The following CMIP variants were observed in gnomAD, a reference collection of about 807,000 sequenced individuals.
CMIP encodes C-Maf-inducing protein.
Under a neutral mutation model 97.3 loss-of-function variants are expected in CMIP, and 13 were observed. The ratio of observed to expected loss-of-function variants is 0.13; its 90% CI spans 0.09 to 0.21. The LOEUF (loss-of-function observed/expected upper bound fraction) is 0.21. Ranked by LOEUF, CMIP falls within the 10% of genes least tolerant of loss-of-function variation. The pLI, the probability that CMIP is intolerant of heterozygous loss-of-function variation, is 1.00. For missense variants in CMIP, 847 were observed against 1,024.9 expected (o/e 0.83, Z 2.37); for synonymous variants, 538 against 436.3 (o/e 1.23, Z -2.91).
Position 81,670,125 on chromosome 16 carries a change from C to A in CMIP, c.826-17C>A. On this transcript the variant is annotated splice_polypyrimidine_tract_variant and intron_variant, in intron 7 of 20. Coordinates refer to ENST00000537098, the MANE Select transcript of CMIP (RefSeq NM_198390.3). ...GCCTAGCACCGTCCCGACTCCTGTCCTCTGCTGTCTCCACAGGACTTTGGG... is the reference window on the plus strand; with the variant it reads ...GCCTAGCACCGTCCCGACTCCTGTCATCTGCTGTCTCCACAGGACTTTGGG... 6.3e-7 allele frequency: 1 copy of A among 1,599,000 alleles called. No individual in the cohort carries two copies. The highest frequency in any genetic ancestry group is 8.5e-7 in the Non-Finnish European group (1 of 1,173,118).
intron 1 of CMIP, among the ~76,000 whole-genome samples, chr16:81,471,449 T>C (rs1280191740): frequency 2.6e-5 from 4 of 152,196 alleles, no homozygotes; most frequent in East Asian, 1.9e-4. Context: ...TGTACATGCA[T>C]ATGTACACAT....
chr16:81,457,181 C>A (rs927272624), intron 1 of CMIP, among the ~76,000 whole-genome samples: 1 of 152,020 alleles, frequency 6.6e-6, no homozygotes, highest in Non-Finnish European at 1.5e-5. Flanking sequence ...CCGACCCCCC[C>A]GCCAGTCAGT....
In CMIP at chr16:81,703,947, C is replaced by T. The variant is rs1907726409; in HGVS notation, c.1953C>T (p.Asp651=). 6.3e-7 allele frequency: 1 copy of T among 1,595,488 alleles called. No individual in the cohort carries two copies. Among genetic ancestry groups the T allele is most frequent in the Non-Finnish European group, 8.5e-7 (1 of 1,173,004 alleles). ...LTLPSKSTDA[D]LARLLSSGSF... ...CCCCCGTCTGCCCGCAGGACGCTGA[C>T]TTGGCTCGTTTGCTGAGCTCCGGCT... The change falls in exon 18 of 21, where the codon GAC becomes GAT. Residue 651 remains aspartate (D), a synonymous_variant. Coordinates refer to ENST00000537098, the MANE Select transcript of CMIP (RefSeq NM_198390.3).
intron 1 of CMIP, among the ~76,000 whole-genome samples, chr16:81,592,066 C>A (rs1057454214): frequency 6.6e-6 from 1 of 152,104 alleles, no homozygotes; most frequent in African/African-American, 2.4e-5. Context: ...TCAAGTGATC[C>A]TCCTGCCTTG....
At chr16:81,694,102 T>C (rs1265192680) in intron 13 of CMIP, among the ~76,000 whole-genome samples, 3 of 152,188 alleles carry the variant, frequency 2.0e-5, no homozygotes, top group African/African-American at 7.2e-5. Context: ...GTCACACACA[T>C]TCCTTTTCTC....
At chr16:81,458,740 G>A (rs1188545856) in intron 1 of CMIP, among the ~76,000 whole-genome samples, 4 of 152,160 alleles carry the variant, frequency 2.6e-5, no homozygotes, top group Non-Finnish European at 4.4e-5. Flanking sequence ...TTTTGATCCA[G>A]ACATTTCATA....
chr16:81,529,995 C>T lies in CMIP; in HGVS notation c.301-77572C>T, dbSNP rs79429183. Among the ~76,000 whole-genome samples, 581 of 152,276 alleles carry T rather than the reference C, an allele frequency of 3.8e-3. 1 individual carries two copies. The highest frequency in any genetic ancestry group is 0.014 in the Middle Eastern group (4 of 294). On this transcript the variant is annotated intron_variant, in intron 1 of 20. Transcript: ENST00000537098. ...GCAGGGACATCTGAAAACCTTTGTA[C>T]GAGGGTCCGCATTAACAGTGAGAGG...
chr16:81,669,501 T>C (rs1377975292), intron 7 of CMIP, among the ~76,000 whole-genome samples: 56 of 88,106 alleles, frequency 6.4e-4, no homozygotes, highest in African/African-American at 2.5e-3. Flanking sequence ...TCCTTCCACA[T>C]CCACCTCACA....
chr16:81,559,709 G>C (rs892539213), intron 1 of CMIP, among the ~76,000 whole-genome samples: 1 of 152,214 alleles, frequency 6.6e-6, no homozygotes, highest in African/African-American at 2.4e-5. Context: ...CAGTGCATAA[G>C]ACTTGATGGT....
chr16:81,607,534 T>C, intron 1 of CMIP, 33 bp from the exon 2 acceptor site: 1 of 1,610,968 alleles, frequency 6.2e-7, no homozygotes, highest in Non-Finnish European at 8.5e-7. Flanking sequence ...CTGTAACCAA[T>C]GCATATCTCT....
intron 1 of CMIP, among the ~76,000 whole-genome samples, chr16:81,448,825 G>T (rs1567521092): frequency 6.6e-6 from 1 of 152,260 alleles, no homozygotes; most frequent in Non-Finnish European, 1.5e-5. Flanking sequence ...CTGCACCTTT[G>T]TGGGGAAGGG....
At chr16:81,694,564 C>T (rs734120) in intron 13 of CMIP, among the ~76,000 whole-genome samples, 28,651 of 152,142 alleles carry the variant, frequency 0.19, 3,037 homozygotes, top group African/African-American at 0.28. Context: ...TCAGAACCCA[C>T]AGTTTATCAG....
intron 1 of CMIP, among the ~76,000 whole-genome samples, chr16:81,506,514 GATTAAAATGGGTA>G (rs1362188921): frequency 1.3e-5 from 2 of 152,214 alleles, no homozygotes; most frequent in African/African-American, 4.8e-5. Flanking sequence ...GGAAAATGGA[GATTAAAATGGGTA>G]ATGGAAATAA....
At chr16:81,638,536 G>A (rs769984123) in intron 3 of CMIP, among the ~76,000 whole-genome samples, 1 of 151,896 alleles carries the variant, frequency 6.6e-6, no homozygotes, top group African/African-American at 2.4e-5. Context: ...AGCATAACAC[G>A]CCCGAGGCGA....
intron 1 of CMIP, among the ~76,000 whole-genome samples, chr16:81,517,575 C>A (rs966428710): frequency 6.6e-6 from 1 of 152,224 alleles, no homozygotes; most frequent in East Asian, 1.9e-4. Flanking sequence ...GCTTTTCACA[C>A]TTCTCATTTC....
chr16:81,455,063 C>A (rs1215472212), intron 1 of CMIP, among the ~76,000 whole-genome samples: 1 of 152,180 alleles, frequency 6.6e-6, no homozygotes, highest in Non-Finnish European at 1.5e-5. Flanking sequence ...CAGAGTCTAC[C>A]AGTGTGGGGT....
chr16:81,693,568 G>C (rs1906357635), intron 13 of CMIP, 81 bp downstream of exon 13: 2 of 1,454,946 alleles, frequency 1.4e-6, no homozygotes, highest in Non-Finnish European at 1.9e-6. Flanking sequence ...GCCTTCTGAA[G>C]CTTGTCACCA....
rs147576109 is a variant in CMIP, at chr16:81,544,073, A to G, written c.301-63494A>G. On this transcript the variant is annotated intron_variant, in intron 1 of 20. Transcript: ENST00000537098. ...CATTCCCATTAGAAAACAGTTCATC[A>G]GCCCAGAAGAGGGGAAAGGAGAGAG... 1.7e-3 allele frequency among the ~76,000 whole-genome samples: 257 copies of G among 152,342 alleles called. 1 individual carries two copies. Among genetic ancestry groups the G allele is most frequent in the African/African-American group, 6.1e-3 (252 of 41,584 alleles).
chr16:81,448,352 T>A (rs577524262), intron 1 of CMIP, among the ~76,000 whole-genome samples: 1 of 152,256 alleles, frequency 6.6e-6, no homozygotes, highest in Admixed American at 6.5e-5. Context: ...TCTGTTTCCA[T>A]TGATCCAATT....
Sources: allele counts gnomAD v4.1 joint callset (sites outside exome capture counted in the v4.1 genomes callset), GRCh38; gene constraint gnomAD v4.1.1; transcripts MANE v1.5; gene names NCBI Gene and HGNC (gene_info 2026-07-23, HGNC 2026-07-21).